BLOC1S3: variants seen among roughly 807,000 people sequenced by gnomAD.
BLOC1S3 encodes the protein biogenesis of lysosome-related organelles complex 1 subunit 3.
Under a neutral mutation model 9.1 loss-of-function variants are expected in BLOC1S3, and 7 were observed. The ratio of observed to expected loss-of-function variants is 0.77; its 90% CI spans 0.44 to 1.45. The LOEUF is 1.45. BLOC1S3 is among the 40% of genes most tolerant of loss of function. The probability of loss-of-function intolerance (pLI) is 0.01; values close to 1 mark genes in which losing one functional copy is unlikely to be tolerated. For missense variants in BLOC1S3, 307 were observed against 315.2 expected (o/e 0.97, Z 0.20); for synonymous variants, 145 against 158.4 (o/e 0.92, Z 0.64).
In BLOC1S3 at chr19:45,179,752, G is replaced by A; in HGVS notation, c.456G>A (p.Ala152=). 1.4e-6 allele frequency: 2 copies of A among 1,469,402 alleles called. No individual in the cohort carries two copies. Among genetic ancestry groups the A allele is most frequent in the Non-Finnish European group, 1.8e-6 (2 of 1,119,300 alleles). 91.0% of individuals were successfully genotyped at this position (1,469,402 alleles called of 1,614,324 possible). ...LASRLAAAQA[A]GLAAAHSVRL... Reference sequence around the variant, plus strand: ...GTAGGCTGGCGGCAGCCCAGGCGGCGGGGCTGGCGGCGGCCCACAGCGTGC... The same window carrying A: ...GTAGGCTGGCGGCAGCCCAGGCGGCAGGGCTGGCGGCGGCCCACAGCGTGC... The change falls in exon 2 of 2, where the codon GCG becomes GCA. Residue 152 remains alanine (A), a synonymous_variant. Transcript: ENST00000433642. The surrounding 1 kb of genome is among the most constrained non-coding windows in gnomAD (Gnocchi z 4.6).
intron 3 of BLOC1S3, among the ~76,000 whole-genome samples, chr19:45,214,764 C>T (rs572594828): frequency 1.0e-3 from 154 of 152,110 alleles, no homozygotes; most frequent in African/African-American, 3.5e-3. Flanking sequence ...CATGCCCGGC[C>T]GATCTGGTGT....
chr19:45,202,322 T>A (rs2627642), intron 2 of BLOC1S3: 32,335 of 154,168 alleles, frequency 0.21, 6,276 homozygotes, highest in African/African-American at 0.52. Context: ...TTTTCTTTAT[T>A]AATTACCCAG....
At chr19:45,213,977 C>T (rs1466032479) in intron 3 of BLOC1S3, among the ~76,000 whole-genome samples, 1 of 151,638 alleles carries the variant, frequency 6.6e-6, no homozygotes, top group Non-Finnish European at 1.5e-5. Context: ...AGAAAGAAAC[C>T]TTGTACCCCA....
chr19:45,211,465 C>T (rs953577994), intron 3 of BLOC1S3, among the ~76,000 whole-genome samples: 42 of 149,300 alleles, frequency 2.8e-4, no homozygotes, highest in Non-Finnish European at 5.8e-4. Flanking sequence ...GAGCTGAGAT[C>T]GCGCCATTGC....
chr19:45,213,263 A>G lies in BLOC1S3; in HGVS notation n.283-3413A>G, dbSNP rs530663749. On this transcript the variant is annotated intron_variant and non_coding_transcript_variant, in intron 3 of 3. Coordinates refer to the BLOC1S3 transcript ENST00000591569. ...GGGGGTGACAGGGCTCCCTCCTCAG[A>G]GAGTTCCAGGTCCCGGGCCACGGCC... 729 of 1,613,622 alleles carry G rather than the reference A, an allele frequency of 4.5e-4. 8 individuals carry two copies. In the South Asian group the frequency reaches 6.9e-3, roughly 15 times the overall value.
At chr19:45,206,658 A>T (rs1027165902) in intron 3 of BLOC1S3, among the ~76,000 whole-genome samples, 4 of 146,044 alleles carry the variant, frequency 2.7e-5, no homozygotes, top group Middle Eastern at 3.5e-3. Context: ...ATGGTGTCTC[A>T]TGTGCTGCCC....
downstream of BLOC1S3, among the ~76,000 whole-genome samples, chr19:45,185,464 T>A (rs1176001392): frequency 3.3e-5 from 5 of 152,044 alleles, no homozygotes; most frequent in Admixed American, 3.3e-4. Context: ...CACATCACCC[T>A]CAGATGTGCA....
At position 45,190,942 on chromosome 19, in the gene BLOC1S3, A is replaced by C. The variant is rs1452509013; in HGVS notation, n.180+3202A>C. 2.7e-5 allele frequency among the ~76,000 whole-genome samples: 4 copies of C among 149,558 alleles called. No individual in the cohort carries two copies. In the East Asian group the frequency reaches 7.9e-4, roughly 29 times the overall value. On this transcript the variant is annotated intron_variant and non_coding_transcript_variant, in intron 2 of 3. Transcript: ENST00000591569. ...TGCCTCAGCCTCCTGAGTAGCTGGG[A>C]CCACAGGCACCCGACACCACGCCCG...
chr19:45,216,313 A>G (rs1054471677), intron 3 of BLOC1S3: 1 of 1,382,236 alleles, frequency 7.2e-7, no homozygotes, highest in Non-Finnish European at 9.7e-7. Flanking sequence ...TGGTGGCTCA[A>G]GCCTGTAATC....
At chr19:45,187,148 G>T (rs1969571313), upstream of BLOC1S3, among the ~76,000 whole-genome samples, 1 of 152,088 alleles carries the variant, frequency 6.6e-6, no homozygotes, top group Admixed American at 6.6e-5. Flanking sequence ...AGGGACTGGG[G>T]CAGGGGTCAG....
At chr19:45,182,999 G>T (rs1969537664), downstream of BLOC1S3, among the ~76,000 whole-genome samples, 1 of 152,144 alleles carries the variant, frequency 6.6e-6, no homozygotes, top group Admixed American at 6.5e-5. Flanking sequence ...GTAGGGTGAA[G>T]AGTTGCAGAC....
intron 3 of BLOC1S3, among the ~76,000 whole-genome samples, chr19:45,205,543 A>G (rs1969720265): frequency 6.6e-6 from 1 of 152,204 alleles, no homozygotes; most frequent in Admixed American, 6.6e-5. Context: ...AAAACTTAAC[A>G]TTTCTAGAAG....
At chr19:45,202,657 T>C (rs1027528784) in intron 3 of BLOC1S3, 2 of 152,218 alleles carry the variant, frequency 1.3e-5, no homozygotes, top group African/African-American at 4.8e-5. Context: ...GCCAAGCTGG[T>C]GTCCAAGATG....
intron 2 of BLOC1S3, among the ~76,000 whole-genome samples, chr19:45,192,859 C>G (rs915372627): frequency 6.6e-6 from 1 of 152,088 alleles, no homozygotes. Context: ...TCAAGCCAGG[C>G]GTGGTGGCTC....
rs1403458388 is a variant in BLOC1S3, at chr19:45,180,854, G to C, written c.*949G>C. ...CGATTCTCCTGCCTCAGCCTCCCGA[G>C]TAGCTAGGATTACAGGCATGCACCA... On this transcript the variant is annotated 3_prime_UTR_variant, in exon 2 of 2. Transcript: ENST00000433642. The C allele has an allele frequency of 5.0e-5, 8 of 159,706 alleles. No individual in the cohort carries two copies. In the Admixed American group the frequency reaches 5.2e-4, roughly 10 times the overall value. 9.9% of individuals were successfully genotyped at this position (159,706 alleles called of 1,614,324 possible).
At chr19:45,216,664 A>G (rs1380215157) in intron 3 of BLOC1S3, 1 of 153,114 alleles carries the variant, frequency 6.5e-6, no homozygotes, top group African/African-American at 2.4e-5. Context: ...CCATAATATA[A>G]TCTCCTCCCA....
intron 3 of BLOC1S3, among the ~76,000 whole-genome samples, chr19:45,216,444 T>G (rs906937531): frequency 1.3e-4 from 20 of 152,124 alleles, no homozygotes; most frequent in African/African-American, 4.1e-4. Context: ...CCAGGCGTGG[T>G]GGTGCACACC....
intron 3 of BLOC1S3, among the ~76,000 whole-genome samples, chr19:45,207,723 C>A (rs866778965): frequency 6.6e-6 from 1 of 151,848 alleles, no homozygotes; most frequent in Non-Finnish European, 1.5e-5. Context: ...GGAGACAGAG[C>A]GAGACTCCAT....
At chr19:45,193,797 T>TG (rs1568473593) in intron 2 of BLOC1S3, among the ~76,000 whole-genome samples, 1 of 91,484 alleles carries the variant, frequency 1.1e-5, no homozygotes, top group Non-Finnish European at 2.3e-5. Flanking sequence ...CTGTTTTTTT[T>TG]TTGTTGTTGT....
Sources: allele counts gnomAD v4.1 joint callset (sites outside exome capture counted in the v4.1 genomes callset), GRCh38; gene constraint gnomAD v4.1.1; non-coding constraint Gnocchi (gnomAD v3.1); transcripts MANE v1.5; gene names NCBI Gene and HGNC (gene_info 2026-07-23, HGNC 2026-07-21).